The following STRA8 variants were observed in gnomAD, a reference collection of about 807,000 sequenced individuals.
The protein encoded by STRA8 is stimulated by retinoic acid 8.
A neutral mutation model predicts 37.1 loss-of-function variants in STRA8; 18 were observed. That is an observed-to-expected ratio of 0.48 (90% CI 0.34 to 0.72). The LOEUF (loss-of-function observed/expected upper bound fraction) is 0.72. STRA8 is among the 30% of genes least tolerant of loss of function. The pLI, the probability that STRA8 is intolerant of heterozygous loss-of-function variation, is 0.01. For synonymous variants in STRA8, 168 were observed against 162.9 expected (o/e 1.03, Z -0.24); for missense variants, 357 against 410.4 (o/e 0.87, Z 1.13).
At chr7:135,250,800 ATTCT>A (rs1247375483) in intron 6 of STRA8, among the ~76,000 whole-genome samples, 5 of 152,354 alleles carry the variant, frequency 3.3e-5, no homozygotes, top group South Asian at 2.1e-4. Context: ...AAAATTATTC[ATTCT>A]TTATCTGAAA....
intron 3 of STRA8, 51 bp downstream of exon 3, chr7:135,242,907 A>T: frequency 6.3e-7 from 1 of 1,577,642 alleles, no homozygotes; most frequent in Non-Finnish European, 8.7e-7. Context: ...AGAAAACTGG[A>T]TCTGTTTTTC....
rs181931268 is a variant in STRA8 at position 135,242,826 on chromosome 7, C to A, written c.238C>A (p.Gln80Lys). 259 of 1,614,224 alleles carry A rather than the reference C, an allele frequency of 1.6e-4. 2 individuals are homozygous for A. In the East Asian group the frequency reaches 4.8e-3, roughly 30 times the overall value. Residue 80 changes from glutamine (Q) to lysine (K), a missense_variant, in exon 3 of 9, where the codon CAA becomes AAA. Coordinates refer to ENST00000662584, the MANE Select transcript of STRA8 (RefSeq NM_001394401.1). ...AAAGAGTCATATTCCAGAACTGGAG[C>A]AAACCCTGGATAATTTGCTGAAGCT... Reference protein sequence around the residue: ...KAKSHIPELEQTLDNLLKLKA... With the variant: ...KAKSHIPELEKTLDNLLKLKA...
chr7:135,243,651 A>G lies in STRA8; in HGVS notation c.353+241A>G, dbSNP rs182690310. ...TCACAGAAGATGCAGAAAATACACAAAAGCCAGAAAATATATATTGTCCCA... is the reference window on the plus strand; with the variant it reads ...TCACAGAAGATGCAGAAAATACACAGAAGCCAGAAAATATATATTGTCCCA... On this transcript the variant is annotated intron_variant, in intron 4 of 8. Transcript: ENST00000662584. Among the ~76,000 whole-genome samples, 55 of 152,380 alleles carry G rather than the reference A, an allele frequency of 3.6e-4. 1 individual carries two copies. The highest frequency in any genetic ancestry group is 3.3e-3 in the Admixed American group (51 of 15,304).
rs1326825674 is a variant in STRA8, at chr7:135,233,849, C to G, written c.-61C>G. Among the ~76,000 whole-genome samples the G allele has an allele frequency of 3.9e-5, 6 of 152,304 alleles. No individual in the cohort carries two copies. In the South Asian group the frequency reaches 1.2e-3, roughly 32 times the overall value. ...GAACCGCGATCCCCACTCCGGCGCA[C>G]GAAGCCGGGTGACTGCTGTCCCGGG... On this transcript the variant is annotated 5_prime_UTR_variant, in exon 1 of 9. Transcript: ENST00000662584.
chr7:135,237,252 A>G (rs1484755425), intron 1 of STRA8, among the ~76,000 whole-genome samples: 2 of 152,216 alleles, frequency 1.3e-5, no homozygotes, highest in Admixed American at 6.5e-5. Context: ...GGCCCTAGGG[A>G]GGAGAGTTCC....
chr7:135,234,059 C>G (rs887261352), intron 1 of STRA8, among the ~76,000 whole-genome samples, 156 bp downstream of exon 1: 3 of 151,750 alleles, frequency 2.0e-5, no homozygotes, highest in Non-Finnish European at 2.9e-5. Flanking sequence ...TGGCTACCTA[C>G]ATTTTTGAGA....
intron 8 of STRA8, among the ~76,000 whole-genome samples, chr7:135,257,925 T>C (rs1287071369): frequency 1.3e-5 from 2 of 152,344 alleles, no homozygotes; most frequent in Non-Finnish European, 2.9e-5. Context: ...CTACAGATAT[T>C]ATATATTCTT....
rs80097537 is a variant in STRA8 at position 135,248,879 on chromosome 7, G to A, written c.879+2177G>A. Among the ~76,000 whole-genome samples, 145 of 152,274 alleles carry A rather than the reference G, an allele frequency of 9.5e-4. 2 individuals carry two copies. The East Asian group carries it at 0.015, about 16-fold the overall frequency. On this transcript the variant is annotated intron_variant, in intron 6 of 8. Transcript: ENST00000662584. The stretch of plus-strand genomic sequence containing the variant: ...GTCCTTTCCCCGACCCCCGAACATG[G>A]GTCCACCAGACTGTGGCTTCTGATC...
intron 2 of STRA8, 105 bp downstream of exon 2, chr7:135,240,821 C>T (rs1218173544): frequency 1.0e-5 from 13 of 1,289,520 alleles, no homozygotes; most frequent in African/African-American, 1.5e-5. Flanking sequence ...GGAGCTGCCA[C>T]TTCTGCTGGG....
chr7:135,245,250 T>C, intron 4 of STRA8, 38 bp from the exon 5 acceptor site: 1 of 780,700 alleles, frequency 1.3e-6, no homozygotes, highest in Admixed American at 1.7e-5. Context: ...ATGAGGGATA[T>C]TAATCTATAG....
chr7:135,251,722 C>T (rs1832636518), intron 6 of STRA8, 74 bp from the exon 7 acceptor site: 3 of 1,478,598 alleles, frequency 2.0e-6, no homozygotes, highest in Non-Finnish European at 2.8e-6. Context: ...CCACTCATCT[C>T]TCCCCAGCAG....
intron 1 of STRA8, among the ~76,000 whole-genome samples, chr7:135,236,442 T>C (rs1291002290): frequency 6.6e-6 from 1 of 152,144 alleles, no homozygotes; most frequent in African/African-American, 2.4e-5. Flanking sequence ...CATCTTTGAC[T>C]GTGTCTCTGC....
At chr7:135,232,415 C>T (rs747985106), upstream of STRA8, among the ~76,000 whole-genome samples, 5 of 151,766 alleles carry the variant, frequency 3.3e-5, no homozygotes, top group African/African-American at 4.8e-5. Flanking sequence ...AATGGGGCAG[C>T]GACCCAAGCA....
chr7:135,257,416 T>TG (rs1433555485), intron 8 of STRA8, among the ~76,000 whole-genome samples: 1 of 152,082 alleles, frequency 6.6e-6, no homozygotes, highest in Non-Finnish European at 1.5e-5. Context: ...CTTTAGGGAC[T>TG]GAGAAACCCT....
Position 135,246,318 on chromosome 7 carries a change from T to G in STRA8, c.594-99T>G. 1.3e-6 allele frequency: 2 copies of G among 1,495,028 alleles called. No individual in the cohort carries two copies. The highest frequency in any genetic ancestry group is 1.8e-6 in the Non-Finnish European group (2 of 1,100,316). 92.6% of individuals were successfully genotyped at this position (1,495,028 alleles called of 1,614,324 possible). On this transcript the variant is annotated intron_variant, in intron 5 of 8. Coordinates refer to ENST00000662584, the MANE Select transcript of STRA8 (RefSeq NM_001394401.1). The surrounding 1 kb of genome is among the most constrained non-coding windows in gnomAD (Gnocchi z 5.4). The stretch of plus-strand genomic sequence containing the variant: ...TCAGCCCTGGTGAGCCGTGGCGCCG[T>G]GGCCGGGCCTGCGTGCTGGGGTCCA...
At position 135,246,834 on chromosome 7, in the gene STRA8, ATTTTC is replaced by A; in HGVS notation, c.879+137_879+141del. On this transcript the variant is annotated intron_variant, in intron 6 of 8. Transcript: ENST00000662584. This position sits in a 1 kb window ranked among gnomAD's most constrained non-coding sequence, Gnocchi z 5.4. Reference sequence around the variant, plus strand: ...TTCTGGCTCCCAAGGTCGGTTTCTGATTTTCTTTTTTCTCTTTTTTTTTTTTTTGA... The same window carrying A: ...TTCTGGCTCCCAAGGTCGGTTTCTGATTTTTTCTCTTTTTTTTTTTTTTGA... 1 of 931,786 alleles carries A rather than the reference ATTTTC, an allele frequency of 1.1e-6. No individual in the cohort carries two copies. Among genetic ancestry groups the A allele is most frequent in the East Asian group, 3.0e-5 (1 of 33,300 alleles). The allele number at this position is 931,786 out of a possible 1,614,324, so 57.7% of individuals were successfully genotyped here.
Position 135,246,469 on chromosome 7 carries a change from A to T in STRA8, c.646A>T (p.Ile216Phe). 1 of 1,596,344 alleles carries T rather than the reference A, an allele frequency of 6.3e-7. No homozygotes were observed. The highest frequency in any genetic ancestry group is 1.1e-5 in the South Asian group (1 of 88,444). Reference sequence around the variant, plus strand: ...GGACCTTCTGACTGGCAGCGGGATCATTACCCCGCAGGAGGCGGCGCTGCC... The same window carrying T: ...GGACCTTCTGACTGGCAGCGGGATCTTTACCCCGCAGGAGGCGGCGCTGCC... ...TMDLLTGSGI[I>F]TPQEAALPIV... Residue 216 changes from isoleucine (I) to phenylalanine (F), a missense_variant, in exon 6 of 9, where the codon ATT becomes TTT. Physicochemically the swap from Ile to Phe is conservative, Grantham distance 21. Coordinates refer to ENST00000662584, the MANE Select transcript of STRA8 (RefSeq NM_001394401.1). The surrounding 1 kb of genome is among the most constrained non-coding windows in gnomAD (Gnocchi z 5.4).
At chr7:135,247,613 C>T (rs1254258872) in intron 6 of STRA8, among the ~76,000 whole-genome samples, 2 of 152,260 alleles carry the variant, frequency 1.3e-5, no homozygotes, top group African/African-American at 2.4e-5. Context: ...GAGCCAATGA[C>T]TGGCCATAGA....
Position 135,257,792 on chromosome 7 carries a change from T to G in STRA8, c.1066-626T>G, listed in dbSNP as rs1185260598. 2.6e-5 allele frequency among the ~76,000 whole-genome samples: 4 copies of G among 151,266 alleles called. No individual in the cohort carries two copies. In the East Asian group the frequency reaches 7.7e-4, roughly 29 times the overall value. On this transcript the variant is annotated intron_variant, in intron 8 of 8. Transcript: ENST00000662584. Reference sequence around the variant, plus strand: ...TAACCCATATACATGGCATAAAATTTACAAGTTACCAAAAGATATACAATG... The same window carrying G: ...TAACCCATATACATGGCATAAAATTGACAAGTTACCAAAAGATATACAATG...
Sources: gnomAD v4.1 joint callset for allele counts (sites outside exome capture counted in the v4.1 genomes callset) on GRCh38, gnomAD v4.1.1 for gene constraint, Gnocchi (gnomAD v3.1) non-coding constraint, MANE v1.5 for transcripts, NCBI Gene and HGNC (gene_info 2026-07-23, HGNC 2026-07-21) for gene names.